The following CNTNAP2 variants were observed in gnomAD, a reference collection of about 807,000 sequenced individuals.
The protein encoded by CNTNAP2 is contactin-associated protein-like 2.
In CNTNAP2, 98 loss-of-function variants were observed where a neutral mutation model predicts 155.2. The observed-to-expected ratio is 0.63, with a 90% CI of 0.54 to 0.75. CNTNAP2 has a LOEUF of 0.75. Among genes scored for constraint, CNTNAP2 ranks in the 30% least tolerant of loss-of-function variants. CNTNAP2 has a pLI of 0.00. For synonymous variants in CNTNAP2, 651 were observed against 631.2 expected, an observed-to-expected ratio of 1.03 and a Z score of -0.47; for missense variants, 1,727 against 1,688.1, an observed-to-expected ratio of 1.02 and a Z score of -0.40.
intron 1 of CNTNAP2, among the ~76,000 whole-genome samples, chr7:146,676,044 T>G (rs745546167): frequency 1.3e-5 from 2 of 152,178 alleles, no homozygotes; most frequent in African/African-American, 2.4e-5. Context: ...AAATTTGCCC[T>G]TGATAGGCTA....
At chr7:146,176,393 G>T (rs1451328207) in intron 1 of CNTNAP2, among the ~76,000 whole-genome samples, 1 of 152,160 alleles carries the variant, frequency 6.6e-6, no homozygotes, top group African/African-American at 2.4e-5. Context: ...GTAAAAGGAA[G>T]AAAAATAATT....
At chr7:147,729,760 C>G (rs1796708822) in intron 13 of CNTNAP2, among the ~76,000 whole-genome samples, 1 of 151,964 alleles carries the variant, frequency 6.6e-6, no homozygotes, top group African/African-American at 2.4e-5. Context: ...CAGTAGAAAA[C>G]CACTGAATGT....
intron 1 of CNTNAP2, among the ~76,000 whole-genome samples, chr7:146,273,419 C>T (rs548800394): frequency 7.1e-4 from 108 of 152,230 alleles, no homozygotes; most frequent in African/African-American, 2.5e-3. Flanking sequence ...GTAAGTATTT[C>T]GGCTCTGTAA....
chr7:146,928,329 T>TA (rs1237221966), intron 3 of CNTNAP2, among the ~76,000 whole-genome samples: 3 of 152,344 alleles, frequency 2.0e-5, no homozygotes, highest in Non-Finnish European at 4.4e-5. Flanking sequence ...TTGATTTGTG[T>TA]AATTTTCTAA....
intron 1 of CNTNAP2, among the ~76,000 whole-genome samples, chr7:146,635,086 C>T (rs1799575481): frequency 6.6e-6 from 1 of 152,088 alleles, no homozygotes; most frequent in Non-Finnish European, 1.5e-5. Context: ...CACCAAGACC[C>T]TCTGAGGGCA....
chr7:147,817,106 G>A (rs537081763), intron 13 of CNTNAP2, among the ~76,000 whole-genome samples: 1 of 152,148 alleles, frequency 6.6e-6, no homozygotes, highest in African/African-American at 2.4e-5. Context: ...CCAGAATGAA[G>A]GACATTTTAT....
intron 1 of CNTNAP2, among the ~76,000 whole-genome samples, chr7:146,248,727 C>G (rs551316683): frequency 2.6e-5 from 4 of 152,060 alleles, no homozygotes; most frequent in African/African-American, 7.2e-5. Context: ...TGAGGTCGTA[C>G]GTGGATCTTT....
intron 15 of CNTNAP2, among the ~76,000 whole-genome samples, chr7:148,078,654 T>C (rs1362644051): frequency 6.6e-6 from 1 of 152,112 alleles, no homozygotes. Flanking sequence ...CTAATCTTTG[T>C]ATTTTTAGTA....
chr7:146,185,385 G>C (rs570512969), intron 1 of CNTNAP2, among the ~76,000 whole-genome samples: 4 of 152,228 alleles, frequency 2.6e-5, no homozygotes, highest in Admixed American at 2.0e-4. Flanking sequence ...CCATGGCAAA[G>C]TTGAGTAACT....
chr7:146,452,379 A>C (rs761460649), intron 1 of CNTNAP2, among the ~76,000 whole-genome samples: 4 of 152,202 alleles, frequency 2.6e-5, no homozygotes, highest in Non-Finnish European at 5.9e-5. Flanking sequence ...ATGTATAGTA[A>C]ATATTCAATA....
chr7:148,108,029 G>A (rs74804110), intron 15 of CNTNAP2, among the ~76,000 whole-genome samples: 2,211 of 152,224 alleles, frequency 0.015, 58 homozygotes, highest in African/African-American at 0.051. Flanking sequence ...TTCTCCATGC[G>A]AGCCAAACGC....
intron 13 of CNTNAP2, among the ~76,000 whole-genome samples, chr7:147,902,820 G>A (rs868784388): frequency 2.6e-4 from 32 of 124,650 alleles, no homozygotes; most frequent in Non-Finnish European, 2.7e-4. Context: ...GTGTATGTGT[G>A]TGTGTGTGTG....
intron 10 of CNTNAP2, among the ~76,000 whole-genome samples, chr7:147,420,099 C>T (rs1409937147): frequency 6.6e-6 from 1 of 152,242 alleles, no homozygotes; most frequent in East Asian, 1.9e-4. Context: ...CAGAAACTTG[C>T]TAATGGAATA....
At chr7:146,382,506 A>T (rs978861714) in intron 1 of CNTNAP2, among the ~76,000 whole-genome samples, 1 of 152,216 alleles carries the variant, frequency 6.6e-6, no homozygotes, top group Non-Finnish European at 1.5e-5. Flanking sequence ...AATGTTCATT[A>T]GGCTACACCA....
At chr7:147,040,668 C>A (rs1799243910) in intron 3 of CNTNAP2, among the ~76,000 whole-genome samples, 1 of 151,774 alleles carries the variant, frequency 6.6e-6, no homozygotes, top group African/African-American at 2.4e-5. Flanking sequence ...AGCATGTTGG[C>A]CAGACTGGTC....
rs189808664 is a variant in CNTNAP2, at chr7:148,043,978, G to A, written c.2383+65989G>A. On this transcript the variant is annotated intron_variant, in intron 15 of 23. Transcript: ENST00000361727. ...CATGGCATATTTGACTTTGTAATTC[G>A]TAAATTATTTTTCATGTCTTACATG... Among the ~76,000 whole-genome samples the A allele has an allele frequency of 6.8e-4, 104 of 152,196 alleles. 1 individual carries two copies. The highest frequency in any genetic ancestry group is 2.3e-3 in the African/African-American group (96 of 41,524).
intron 1 of CNTNAP2, among the ~76,000 whole-genome samples, chr7:146,386,166 G>T (rs1425724184): frequency 2.6e-5 from 4 of 152,036 alleles, no homozygotes; most frequent in African/African-American, 7.2e-5. Flanking sequence ...TAGTATTTCT[G>T]AATAAGTATA....
intron 21 of CNTNAP2, among the ~76,000 whole-genome samples, chr7:148,363,844 T>TGCATGCGGC (rs1554424559): frequency 2.4e-5 from 3 of 125,938 alleles, no homozygotes; most frequent in African/African-American, 5.8e-5. Context: ...GAACTGGGGC[T>TGCATGCGGC]GCGTGCGGGC....
chr7:146,631,249 T>C (rs570277980), intron 1 of CNTNAP2, among the ~76,000 whole-genome samples: 1 of 152,226 alleles, frequency 6.6e-6, no homozygotes, highest in East Asian at 1.9e-4. Context: ...TCTTAAAATA[T>C]GAATTTTTCG....
Sources: allele counts gnomAD v4.1 joint callset (sites outside exome capture counted in the v4.1 genomes callset), GRCh38; gene constraint gnomAD v4.1.1; transcripts MANE v1.5; gene names NCBI Gene and HGNC (gene_info 2026-07-23, HGNC 2026-07-21).